Variants in KDM5A observed in about 807,000 individuals in gnomAD.
The protein encoded by KDM5A is lysine-specific demethylase 5A.
In KDM5A, 42 loss-of-function variants were observed where a neutral mutation model predicts 193.5. The ratio of observed to expected loss-of-function variants is 0.22; its 90% confidence interval spans 0.17 to 0.28. The LOEUF (loss-of-function observed/expected upper bound fraction) is 0.28. Ranked by LOEUF, KDM5A falls within the 10% of genes least tolerant of loss-of-function variation. KDM5A has a pLI of 1.00. For missense variants in KDM5A, 1,692 were observed against 2,055.1 expected (o/e 0.82, Z 3.42); for synonymous variants, 796 against 718.1 (o/e 1.11, Z -1.73).
intron 8 of KDM5A, among the ~76,000 whole-genome samples, chr12:353,335 GTAAA>G (rs772533509): frequency 1.4e-4 from 22 of 152,026 alleles, no homozygotes; most frequent in Non-Finnish European, 1.8e-4. Context: ...TCTCAAAAAA[GTAAA>G]TAAATAAATA....
intron 3 of KDM5A, among the ~76,000 whole-genome samples, chr12:374,322 T>C (rs910862005): frequency 2.0e-5 from 3 of 152,216 alleles, no homozygotes; most frequent in African/African-American, 7.2e-5. Context: ...ATTGATCCCT[T>C]TACCATTATG....
At chr12:322,199 G>C (rs1041549817) in intron 17 of KDM5A, 2 of 567,272 alleles carry the variant, frequency 3.5e-6, no homozygotes, top group African/African-American at 1.9e-5. Context: ...AAATGTGCCT[G>C]CTATGTATGA....
chr12:282,896 T>G lies in KDM5A; in HGVS notation c.*2560A>C, dbSNP rs1472610661. 8.6e-6 allele frequency: 2 copies of G among 232,412 alleles called. No homozygotes were observed. Among genetic ancestry groups the G allele is most frequent in the South Asian group, 1.8e-4 (1 of 5,536 alleles). 14.4% of individuals were successfully genotyped at this position (232,412 alleles called of 1,614,324 possible). On this transcript the variant is annotated 3_prime_UTR_variant, in exon 28 of 28. Coordinates refer to ENST00000399788, the MANE Select transcript of KDM5A (RefSeq NM_001042603.3). Reference sequence around the variant, plus strand: ...TTCATTAATTCCAAAACCGCAGATTTGTGTATTTTTTGTTTTGCCATTAAT... The same window carrying G: ...TTCATTAATTCCAAAACCGCAGATTGGTGTATTTTTTGTTTTGCCATTAAT...
At chr12:321,140 AG>A (rs1943711158) in intron 17 of KDM5A, 31 bp from the exon 18 acceptor site, 1 of 1,470,002 alleles carries the variant, frequency 6.8e-7, no homozygotes, top group African/African-American at 1.4e-5. Context: ...GATATAAGTA[AG>A]AAAAATTCAG....
chr12:328,504 A>C (rs1347481235), intron 14 of KDM5A, among the ~76,000 whole-genome samples: 1 of 152,216 alleles, frequency 6.6e-6, no homozygotes. Flanking sequence ...AATTTCCAGA[A>C]ACATAACTTA....
chr12:286,627 T>C (rs550721302), intron 27 of KDM5A, among the ~76,000 whole-genome samples: 9 of 152,236 alleles, frequency 5.9e-5, no homozygotes, highest in South Asian at 2.1e-4. Flanking sequence ...AAGTAAGGAA[T>C]AGAAAGGGAT....
chr12:312,811 T>C (rs1185944047), intron 20 of KDM5A, among the ~76,000 whole-genome samples: 1 of 152,194 alleles, frequency 6.6e-6, no homozygotes, highest in African/African-American at 2.4e-5. Context: ...CTGCCCGGCA[T>C]TGTGAGAGAA....
At chr12:300,797 G>C (rs1317545015) in intron 24 of KDM5A, among the ~76,000 whole-genome samples, 3 of 152,012 alleles carry the variant, frequency 2.0e-5, no homozygotes, top group Non-Finnish European at 4.4e-5. Flanking sequence ...GACTAAAAAG[G>C]AGAAAAGAGA....
intron 2 of KDM5A, 116 bp from the exon 3 acceptor site, chr12:384,269 A>G: frequency 1.3e-6 from 1 of 776,390 alleles, no homozygotes; most frequent in Non-Finnish European, 2.2e-6. Context: ...CCTGTTAGGA[A>G]CCCAGCCACA....
intron 3 of KDM5A, among the ~76,000 whole-genome samples, chr12:381,761 AC>A (rs1944575718): frequency 6.6e-6 from 1 of 152,132 alleles, no homozygotes; most frequent in Admixed American, 6.5e-5. Flanking sequence ...GAGAATTTTG[AC>A]CTGACACTAA....
intron 17 of KDM5A, 90 bp downstream of exon 17, chr12:322,327 A>G: frequency 8.5e-7 from 1 of 1,180,804 alleles, no homozygotes; most frequent in Non-Finnish European, 1.2e-6. Context: ...GTCAAAGATA[A>G]TGTACGGCTT....
In KDM5A at chr12:352,180, C is replaced by CCGGT. The variant is rs1565543190; in HGVS notation, c.1149+24_1149+25insACCG. 5 of 1,604,662 alleles carry CCGGT rather than the reference C, an allele frequency of 3.1e-6. No individual in the cohort carries two copies. In the South Asian group the frequency reaches 5.5e-5, roughly 18 times the overall value. Reference sequence around the variant, plus strand: ...AGGTAAATCTTTGTACCTCCCCGGACCGACCTAAAAGATAGCTTACTCACA... The same window carrying CCGGT: ...AGGTAAATCTTTGTACCTCCCCGGACCGGTCGACCTAAAAGATAGCTTACTCACA... On this transcript the variant is annotated intron_variant, in intron 9 of 27. Transcript: ENST00000399788.
chr12:306,447 T>A (rs1238028939), intron 24 of KDM5A, among the ~76,000 whole-genome samples: 1 of 152,132 alleles, frequency 6.6e-6, no homozygotes, highest in African/African-American at 2.4e-5. Context: ...TTCTATTTTT[T>A]AAAAATTGTT....
intron 4 of KDM5A, among the ~76,000 whole-genome samples, chr12:363,857 T>G (rs562010735): frequency 6.6e-6 from 1 of 152,164 alleles, no homozygotes; most frequent in South Asian, 2.1e-4. Flanking sequence ...ATTTACCTGA[T>G]AAAGGAGTTG....
intron 5 of KDM5A, among the ~76,000 whole-genome samples, chr12:361,021 T>C (rs1298899897): frequency 6.6e-6 from 1 of 152,178 alleles, no homozygotes; most frequent in Non-Finnish European, 1.5e-5. Context: ...AAAGCCTTTA[T>C]TTTCTTTCTG....
At position 389,101 on chromosome 12, in the gene KDM5A, CG is replaced by C. The variant is rs34704738; in HGVS notation, c.-11del. 292,604 of 1,260,216 alleles carry C rather than the reference CG, an allele frequency of 0.23. 11,636 individuals are homozygous for C. Among genetic ancestry groups the C allele is most frequent in the East Asian group, 0.29 (10,681 of 36,918 alleles). The allele number at this position is 1,260,216 out of a possible 1,614,324, so 78.1% of individuals were successfully genotyped here. On this transcript the variant is annotated 5_prime_UTR_variant, in exon 1 of 28. Transcript: ENST00000399788. ...GCCCCACGCCCGCCATTGCAACGGC[CG>C]GGGGGGGGGGGGGGTCCCCGTGGGG...
chr12:367,934 A>G (rs1278609382), intron 3 of KDM5A, among the ~76,000 whole-genome samples: 3 of 152,170 alleles, frequency 2.0e-5, no homozygotes, highest in African/African-American at 4.8e-5. Context: ...ACTTCTAGAT[A>G]TATACTCAAA....
intron 10 of KDM5A, among the ~76,000 whole-genome samples, chr12:342,892 A>G (rs1181738818): frequency 6.6e-6 from 1 of 151,820 alleles, no homozygotes; most frequent in Non-Finnish European, 1.5e-5. Flanking sequence ...TGCATTTCCA[A>G]CTGAGATACC....
intron 10 of KDM5A, among the ~76,000 whole-genome samples, chr12:343,181 A>G (rs1051148977): frequency 1.4e-4 from 22 of 152,164 alleles, no homozygotes; most frequent in Non-Finnish European, 2.9e-5. Context: ...CTAGCGCAGC[A>G]GTCTGAGATC....
Sources: gnomAD v4.1 joint callset for allele counts (sites outside exome capture counted in the v4.1 genomes callset) on GRCh38, gnomAD v4.1.1 for gene constraint, MANE v1.5 for transcripts, NCBI Gene and HGNC (gene_info 2026-07-23, HGNC 2026-07-21) for gene names.